Variants in NAALADL2 observed in about 807,000 individuals in gnomAD.
NAALADL2 encodes the protein N-acetylated alpha-linked acidic dipeptidase like 2.
NAALADL2 carries 76 observed loss-of-function variants against 87.2 expected under a neutral mutation model. That is an observed-to-expected ratio of 0.87 (90% CI 0.72 to 1.05). The LOEUF (loss-of-function observed/expected upper bound fraction) is 1.05. NAALADL2 is among the 50% of genes least tolerant of loss of function. The pLI is 0.00. For synonymous variants in NAALADL2, 354 were observed against 331.0 expected (o/e 1.07, Z -0.75); for missense variants, 1,089 against 945.8 (o/e 1.15, Z -1.99).
At chr3:175,358,316 T>C (rs1307826777) in intron 5 of NAALADL2, among the ~76,000 whole-genome samples, 1 of 152,154 alleles carries the variant, frequency 6.6e-6, no homozygotes, top group African/African-American at 2.4e-5. Context: ...TTCATCTTTT[T>C]ATGTAATTAT....
At chr3:174,774,038 T>C (rs1367470050) in intron 3 of NAALADL2, among the ~76,000 whole-genome samples, 1 of 152,180 alleles carries the variant, frequency 6.6e-6, no homozygotes, top group Non-Finnish European at 1.5e-5. Flanking sequence ...CACTTATGAG[T>C]TATTCACAAG....
intron 1 of NAALADL2, among the ~76,000 whole-genome samples, chr3:174,904,214 A>G (rs1732696868): frequency 6.6e-6 from 1 of 151,796 alleles, no homozygotes; most frequent in Admixed American, 6.6e-5. Context: ...AGTGTTGCCA[A>G]GAGCCAAAAT....
intron 1 of NAALADL2, among the ~76,000 whole-genome samples, chr3:174,870,286 C>T (rs1287198452): frequency 6.6e-6 from 1 of 152,112 alleles, no homozygotes; most frequent in Non-Finnish European, 1.5e-5. Context: ...TCATTACCAA[C>T]CCATCCACCC....
chr3:175,245,860 C>T (rs112246817), intron 3 of NAALADL2, among the ~76,000 whole-genome samples: 14 of 152,278 alleles, frequency 9.2e-5, no homozygotes, highest in African/African-American at 2.9e-4. Context: ...TTGTGCTGTA[C>T]TAGTTACCAA....
chr3:174,752,438 G>T (rs1278677059), intron 3 of NAALADL2, among the ~76,000 whole-genome samples: 1 of 151,958 alleles, frequency 6.6e-6, no homozygotes, highest in African/African-American at 2.4e-5. Flanking sequence ...TTAGAAAATT[G>T]TCTTCAGTTT....
chr3:174,953,711 C>T (rs2108522114), intron 1 of NAALADL2, among the ~76,000 whole-genome samples: 1 of 152,098 alleles, frequency 6.6e-6, no homozygotes, highest in East Asian at 2.0e-4. Flanking sequence ...CAAGTGCCTA[C>T]TGTGTGCCAC....
chr3:174,590,083 A>G (rs768637537), intron 2 of NAALADL2, among the ~76,000 whole-genome samples: 1 of 152,090 alleles, frequency 6.6e-6, no homozygotes, highest in Non-Finnish European at 1.5e-5. Flanking sequence ...CTTATTTTCT[A>G]AAGTTTCCCA....
chr3:174,727,517 C>T (rs1206623889), intron 2 of NAALADL2, among the ~76,000 whole-genome samples: 2 of 151,954 alleles, frequency 1.3e-5, no homozygotes, highest in Admixed American at 6.6e-5. Flanking sequence ...TTAACTCACA[C>T]AGTATGTGTG....
intron 3 of NAALADL2, among the ~76,000 whole-genome samples, chr3:174,844,032 T>C (rs1724316971): frequency 6.6e-6 from 1 of 152,190 alleles, no homozygotes. Flanking sequence ...TGAAATTCAA[T>C]TTGCCTATTT....
intron 2 of NAALADL2, among the ~76,000 whole-genome samples, chr3:175,132,788 A>AC (rs907094747): frequency 2.6e-5 from 3 of 114,354 alleles, no homozygotes; most frequent in Non-Finnish European, 3.7e-5. Context: ...GCGGGGGCTG[A>AC]CCCCCACCTC....
chr3:175,560,553 A>G (rs889572384), intron 9 of NAALADL2, among the ~76,000 whole-genome samples: 2 of 151,774 alleles, frequency 1.3e-5, no homozygotes, highest in Non-Finnish European at 2.9e-5. Context: ...GTTCTTTCAG[A>G]TGCATCATTA....
intron 2 of NAALADL2, among the ~76,000 whole-genome samples, chr3:175,183,934 C>A (rs1302494629): frequency 6.6e-6 from 1 of 152,032 alleles, no homozygotes; most frequent in Non-Finnish European, 1.5e-5. Context: ...TTTTAAAGTG[C>A]TGCTTTGGTC....
chr3:175,741,872 A>G (rs1314820630), intron 12 of NAALADL2, among the ~76,000 whole-genome samples: 3 of 152,192 alleles, frequency 2.0e-5, no homozygotes, highest in African/African-American at 7.2e-5. Flanking sequence ...TATTTTGCCA[A>G]CGTTAATGAC....
intron 2 of NAALADL2, among the ~76,000 whole-genome samples, chr3:174,729,058 T>G (rs1012262599): frequency 2.0e-5 from 3 of 152,008 alleles, no homozygotes; most frequent in African/African-American, 7.2e-5. Flanking sequence ...TACCATTTAT[T>G]TCCATAGTCA....
At chr3:174,733,055 G>A (rs767324466) in intron 2 of NAALADL2, among the ~76,000 whole-genome samples, 5 of 152,102 alleles carry the variant, frequency 3.3e-5, no homozygotes, top group Non-Finnish European at 7.3e-5. Context: ...CCATAGTTGA[G>A]TGGGCTTTTT....
rs545764469 is a variant in NAALADL2 at position 174,698,137 on chromosome 3, ATGTAT to A, written c.-114-39500_-114-39496del. 2.0e-4 allele frequency among the ~76,000 whole-genome samples: 31 copies of A among 152,252 alleles called. No individual in the cohort carries two copies. In the South Asian group the frequency reaches 3.7e-3, roughly 18 times the overall value. ...ATAAATATAAAACCGATAAAAATAAATGTATTGTGTAATATATAATGTTATTTTCC... is the reference window on the plus strand; with the variant it reads ...ATAAATATAAAACCGATAAAAATAAATGTGTAATATATAATGTTATTTTCC... On this transcript the variant is annotated intron_variant, in intron 2 of 3. Transcript: ENST00000434257.
chr3:175,515,456 T>G (rs918253700), intron 9 of NAALADL2, among the ~76,000 whole-genome samples: 4 of 152,174 alleles, frequency 2.6e-5, no homozygotes, highest in East Asian at 1.9e-4. Context: ...CCTAGCAATT[T>G]GGTATCTAAA....
intron 11 of NAALADL2, among the ~76,000 whole-genome samples, chr3:175,719,912 A>G (rs1400813604): frequency 1.3e-5 from 2 of 152,192 alleles, no homozygotes; most frequent in African/African-American, 2.4e-5. Context: ...ATGTGATAGA[A>G]GAAGCTAACT....
At chr3:174,733,896 A>ATC (rs1472849543) in intron 2 of NAALADL2, among the ~76,000 whole-genome samples, 1 of 152,114 alleles carries the variant, frequency 6.6e-6, no homozygotes, top group Non-Finnish European at 1.5e-5. Context: ...GGATGTGGTG[A>ATC]TCTGGTGGGT....
Sources: allele counts gnomAD v4.1 joint callset (sites outside exome capture counted in the v4.1 genomes callset), GRCh38; gene constraint gnomAD v4.1.1; transcripts MANE v1.5; gene names NCBI Gene and HGNC (gene_info 2026-07-23, HGNC 2026-07-21).